CASP6: variants seen among roughly 807,000 people sequenced by gnomAD.
CASP6 encodes caspase-6.
CASP6 carries 20 observed loss-of-function variants against 31.8 expected under a neutral mutation model. The ratio of observed to expected loss-of-function variants is 0.63; its 90% CI spans 0.44 to 0.91. CASP6 has a LOEUF of 0.91. Ranked by LOEUF, CASP6 falls within the 40% of genes least tolerant of loss-of-function variation. The pLI, the probability that CASP6 is intolerant of heterozygous loss-of-function variation, is 0.00. For synonymous variants in CASP6, 130 were observed against 127.8 expected, an observed-to-expected ratio of 1.02 and a Z score of -0.12; for missense variants, 328 against 361.1, an observed-to-expected ratio of 0.91 and a Z score of 0.74.
downstream of CASP6, chr4:109,685,260 TACTC>T (rs754274570): frequency 1.7e-5 from 23 of 1,365,114 alleles, 1 homozygote; most frequent in South Asian, 2.3e-4. Flanking sequence ...GGATTATACT[TACTC>T]AGCTGTTAAG....
downstream of CASP6, among the ~76,000 whole-genome samples, chr4:109,686,224 G>C (rs752424087): frequency 6.6e-6 from 1 of 152,084 alleles, no homozygotes; most frequent in Admixed American, 6.5e-5. Context: ...TGCAACCTCC[G>C]CCTCCTGGGT....
Position 109,694,717 on chromosome 4 carries a change from A to C in CASP6, c.308-17T>G. On this transcript the variant is annotated splice_polypyrimidine_tract_variant and intron_variant, in intron 4 of 6. Transcript: ENST00000265164. The stretch of plus-strand genomic sequence containing the variant: ...CAGTTGACACTATAAAGGACCCAAA[A>C]GAGAATATAGAAATGAAAATATGAT... 1 of 1,502,364 alleles carries C rather than the reference A, an allele frequency of 6.7e-7. No homozygotes were observed. The highest frequency in any genetic ancestry group is 8.9e-7 in the Non-Finnish European group (1 of 1,125,716). The allele number at this position is 1,502,364 out of a possible 1,614,324, so 93.1% of individuals were successfully genotyped here.
rs374279364 is a variant in CASP6 at position 109,698,397 on chromosome 4, T to C, written c.41-55A>G. 4 of 1,467,774 alleles carry C rather than the reference T, an allele frequency of 2.7e-6. No homozygotes were observed. In the South Asian group the frequency reaches 3.5e-5, roughly 13 times the overall value. 90.9% of individuals were successfully genotyped at this position (1,467,774 alleles called of 1,614,324 possible). A position where few individuals can be genotyped will look rare whatever the true frequency, so the allele number is the denominator to read the frequency against. On this transcript the variant is annotated intron_variant, in intron 1 of 6. Transcript: ENST00000265164. ...ATTTTTTACTTATGGCAGTAAAATA[T>C]AGTAGGAACTCCCATCCCCCTTCTG... is the stretch of plus-strand genomic sequence containing the variant.
Position 109,688,708 on chromosome 4 carries a change from A to T in CASP6, c.*622T>A, listed in dbSNP as rs961921437. On this transcript the variant is annotated 3_prime_UTR_variant, in exon 7 of 7. Coordinates refer to ENST00000265164, the MANE Select transcript of CASP6 (RefSeq NM_001226.4). ...TAAAAACATCAAACAATAAACTTTT[A>T]TAAAAAAGTGACAAAATACAAGTTA... 1.3e-5 allele frequency: 2 copies of T among 152,222 alleles called. No homozygotes were observed. The highest frequency in any genetic ancestry group is 4.8e-5 in the African/African-American group (2 of 41,466). The allele number at this position is 152,222 out of a possible 1,614,324, so 9.4% of individuals were successfully genotyped here.
chr4:109,677,862 G>C, the CASP6 span, among the ~76,000 whole-genome samples: 23 of 137,276 alleles, frequency 1.7e-4, no homozygotes, highest in African/African-American at 2.9e-4. Context: ...GTGTTTCTCG[G>C]AGAGGGGGAT....
chr4:109,681,290 G>T, the CASP6 span: 6 of 280,440 alleles, frequency 2.1e-5, no homozygotes, highest in African/African-American at 1.1e-4. Context: ...AGTCTCTGGG[G>T]TCAGCAAATT....
At chr4:109,703,268 C>G in intron 1 of CASP6, 88 bp downstream of exon 1, 1 of 1,475,200 alleles carries the variant, frequency 6.8e-7, no homozygotes, top group African/African-American at 1.4e-5. Context: ...CACTCCGGTC[C>G]GCGCGCCCGG....
At chr4:109,681,304 G>A in the CASP6 span, 1 of 264,026 alleles carries the variant, frequency 3.8e-6, no homozygotes. Flanking sequence ...GCAAATTGTG[G>A]AAAAGCAAAT....
chr4:109,688,121 C>T (rs1181539051), downstream of CASP6: 10 of 152,366 alleles, frequency 6.6e-5, no homozygotes, highest in Admixed American at 6.5e-4. Flanking sequence ...ATAGTTGGTA[C>T]TTTTTGAACT....
chr4:109,703,622 C>T, upstream of CASP6: 1 of 579,176 alleles, frequency 1.7e-6, no homozygotes, highest in Non-Finnish European at 3.0e-6. Context: ...ACCAAGAGCG[C>T]GGGGGCAGGG....
chr4:109,704,257 G>C (rs940993592), upstream of CASP6, among the ~76,000 whole-genome samples: 1 of 152,230 alleles, frequency 6.6e-6, no homozygotes, highest in African/African-American at 2.4e-5. Context: ...AGTAATGTTG[G>C]TAGGCAGAAA....
the CASP6 span, among the ~76,000 whole-genome samples, chr4:109,679,169 C>A: frequency 2.6e-5 from 4 of 151,372 alleles, no homozygotes; most frequent in African/African-American, 4.9e-5. Context: ...CCAGACGGGG[C>A]AGCTGGGCAG....
At chr4:109,687,909 A>G, downstream of CASP6, 1 of 218,692 alleles carries the variant, frequency 4.6e-6, no homozygotes, top group South Asian at 1.3e-4. Context: ...TTCCATTCTT[A>G]GACTTAATTT....
At chr4:109,706,166 T>TACAC (rs1192661059), upstream of CASP6, among the ~76,000 whole-genome samples, 540 of 92,000 alleles carry the variant, frequency 5.9e-3, 11 homozygotes, top group East Asian at 0.034. Flanking sequence ...TATATATATA[T>TACAC]ATATACACAC....
At chr4:109,705,567 G>T (rs111278346), upstream of CASP6, among the ~76,000 whole-genome samples, 3,786 of 152,162 alleles carry the variant, frequency 0.025, 148 homozygotes, top group African/African-American at 0.086. Flanking sequence ...AAATCTTCTG[G>T]AAAGGATTCA....
rs770210612 is a variant in CASP6, at chr4:109,703,413, C to G, written c.-18G>C. 3.4e-5 allele frequency: 54 copies of G among 1,610,972 alleles called. No individual in the cohort carries two copies. Among genetic ancestry groups the G allele is most frequent in the Non-Finnish European group, 4.1e-5 (48 of 1,178,960 alleles). The stretch of plus-strand genomic sequence containing the variant: ...GAGCTCATTGCAGCCAAACGCGCAG[C>G]CAGACACCTTGCCCTCCTCTTCCTG... On this transcript the variant is annotated 5_prime_UTR_variant, in exon 1 of 7. Coordinates refer to ENST00000265164, the MANE Select transcript of CASP6 (RefSeq NM_001226.4).
upstream of CASP6, chr4:109,703,466 G>A (rs1033944728): frequency 1.9e-6 from 3 of 1,556,012 alleles, no homozygotes; most frequent in Admixed American, 1.9e-5. Flanking sequence ...GCCCGGCCCC[G>A]CCCTCGGCCC....
At chr4:109,673,807 T>G in the CASP6 span, 9 of 632,418 alleles carry the variant, frequency 1.4e-5, no homozygotes, top group East Asian at 2.6e-5. Context: ...GGGTGAGAGG[T>G]TTTTTCGCTC....
At chr4:109,691,137 A>ATGT in intron 5 of CASP6, 128 bp from the exon 6 acceptor site, 1 of 967,760 alleles carries the variant, frequency 1.0e-6, no homozygotes, top group Non-Finnish European at 1.4e-6. Flanking sequence ...GCAGTTCAGA[A>ATGT]GCAATACATT....
Sources: allele counts gnomAD v4.1 joint callset (sites outside exome capture counted in the v4.1 genomes callset), GRCh38; gene constraint gnomAD v4.1.1; transcripts MANE v1.5; gene names NCBI Gene and HGNC (gene_info 2026-07-23, HGNC 2026-07-21).